PDCD2L: variants seen among roughly 807,000 people sequenced by gnomAD.
PDCD2L encodes the protein programmed cell death 2 like, also known as uS5 assembly chaperone PDCD2L.
A neutral mutation model predicts 40.4 loss-of-function variants in PDCD2L; 44 were observed. That is an observed-to-expected ratio of 1.09 (90% CI 0.86 to 1.40). The LOEUF (loss-of-function observed/expected upper bound fraction) is 1.40. Ranked by LOEUF, PDCD2L falls within the 40% of genes most tolerant of loss-of-function variation. PDCD2L has a pLI of 0.00. For missense variants in PDCD2L, 470 were observed against 453.7 expected (o/e 1.04, Z -0.33); for synonymous variants, 194 against 174.6 (o/e 1.11, Z -0.88).
At chr19:34,425,009 G>C (rs1325268427) in intron 6 of PDCD2L, among the ~76,000 whole-genome samples, 2 of 152,068 alleles carry the variant, frequency 1.3e-5, no homozygotes, top group Non-Finnish European at 2.9e-5. Flanking sequence ...GCCTCCCAAT[G>C]TGCTGGGATT....
chr19:34,412,367 A>T (rs1000630128), intron 4 of PDCD2L, among the ~76,000 whole-genome samples: 2 of 151,990 alleles, frequency 1.3e-5, no homozygotes, highest in African/African-American at 4.8e-5. Flanking sequence ...GGCTTGGGAG[A>T]AGGGTTGGGC....
chr19:34,404,454 G>T lies in PDCD2L; in HGVS notation c.24G>T (p.Val8=). 1 of 1,544,912 alleles carries T rather than the reference G, an allele frequency of 6.5e-7. No homozygotes were observed. Residue 8 remains valine, a synonymous_variant, in exon 1 of 7, where the codon GTG becomes GTT. Transcript: ENST00000246535. Reference sequence around the variant, plus strand: ...CCATGGCGGCCGTTCTGAAGCCGGTGCTGCTGGGCCTTCGAGATGCGCCGG... The same window carrying T: ...CCATGGCGGCCGTTCTGAAGCCGGTTCTGCTGGGCCTTCGAGATGCGCCGG... MAAVLKP[V]LLGLRDAPVH...
chr19:34,409,732 A>T (rs1468356251), intron 4 of PDCD2L, among the ~76,000 whole-genome samples: 1 of 152,232 alleles, frequency 6.6e-6, no homozygotes, highest in Non-Finnish European at 1.5e-5. Flanking sequence ...CAGAAGTTAG[A>T]GATGGCAAGT....
intron 4 of PDCD2L, among the ~76,000 whole-genome samples, chr19:34,412,853 C>T (rs917257085): frequency 6.6e-6 from 1 of 151,602 alleles, no homozygotes; most frequent in Non-Finnish European, 1.5e-5. Context: ...CTCACCACAG[C>T]CTTGCCTCTG....
At chr19:34,408,784 C>G (rs989835947) in intron 3 of PDCD2L, among the ~76,000 whole-genome samples, 1 of 152,204 alleles carries the variant, frequency 6.6e-6, no homozygotes, top group Non-Finnish European at 1.5e-5. Flanking sequence ...GTTCATGTTT[C>G]TCTCTAGTAG....
chr19:34,406,081 G>A (rs1037864008), intron 3 of PDCD2L, among the ~76,000 whole-genome samples: 2 of 152,210 alleles, frequency 1.3e-5, no homozygotes, highest in Admixed American at 6.5e-5. Flanking sequence ...GGTTGAGGCT[G>A]CAGTGACCTA....
At chr19:34,413,179 C>T (rs550510357) in intron 4 of PDCD2L, among the ~76,000 whole-genome samples, 2 of 152,126 alleles carry the variant, frequency 1.3e-5, no homozygotes, top group African/African-American at 2.4e-5. Context: ...GCTGGGATTA[C>T]AGGCGCCCGC....
At chr19:34,415,899 A>G (rs973299962) in intron 5 of PDCD2L, among the ~76,000 whole-genome samples, 1 of 152,166 alleles carries the variant, frequency 6.6e-6, no homozygotes, top group African/African-American at 2.4e-5. Context: ...TCACCTGCCT[A>G]AAATATACTG....
intron 6 of PDCD2L, among the ~76,000 whole-genome samples, chr19:34,424,008 C>T (rs1410352888): frequency 6.6e-6 from 1 of 152,044 alleles, no homozygotes; most frequent in African/African-American, 2.4e-5. Context: ...AGGGGCAACC[C>T]ATGTATAAAA....
intron 5 of PDCD2L, among the ~76,000 whole-genome samples, chr19:34,418,459 A>G (rs1229965431): frequency 6.6e-6 from 1 of 152,194 alleles, no homozygotes; most frequent in African/African-American, 2.4e-5. Flanking sequence ...GCATGTATCA[A>G]TAGTTCATTC....
At chr19:34,413,966 G>A (rs1422259350) in intron 5 of PDCD2L, 119 bp downstream of exon 5, 1 of 636,624 alleles carries the variant, frequency 1.6e-6, no homozygotes, top group Non-Finnish European at 2.7e-6. Context: ...CAAACCAAGA[G>A]AGAACCTAAT....
chr19:34,422,968 T>G (rs756441892), intron 6 of PDCD2L, among the ~76,000 whole-genome samples: 41 of 151,582 alleles, frequency 2.7e-4, no homozygotes, highest in African/African-American at 9.2e-4. Context: ...TCCGCCCACC[T>G]CAGCCTCCCA....
chr19:34,417,727 CAG>C (rs1270929788), intron 5 of PDCD2L, among the ~76,000 whole-genome samples: 1 of 151,996 alleles, frequency 6.6e-6, no homozygotes, highest in Non-Finnish European at 1.5e-5. Context: ...AGAAAGCATT[CAG>C]AGAGAAGATG....
rs201790416 is a variant in PDCD2L, at chr19:34,421,612, A to T, written c.891A>T (p.Ile297=). ...PACSQCGGQR[I]FEFQLMPALV... ...GCAGCCAGTGTGGAGGCCAAAGGAT[A>T]TTTGAGTTTCAGCTTATGCCAGCAC... is the stretch of plus-strand genomic sequence containing the variant. The change falls in exon 6 of 7, where the codon ATA becomes ATT. Residue 297 remains isoleucine, a synonymous_variant. Transcript: ENST00000246535. 166 of 1,614,042 alleles carry T rather than the reference A, an allele frequency of 1.0e-4. No homozygotes were observed. The highest frequency in any genetic ancestry group is 1.3e-4 in the Non-Finnish European group (157 of 1,180,026).
intron 5 of PDCD2L, 47 bp downstream of exon 5, chr19:34,413,894 G>C (rs528208278): frequency 1.7e-6 from 2 of 1,192,880 alleles, no homozygotes; most frequent in South Asian, 1.3e-5. Flanking sequence ...GATTATAAAG[G>C]AATACATATT....
chr19:34,412,185 A>G (rs2075107179), intron 4 of PDCD2L, among the ~76,000 whole-genome samples: 1 of 151,070 alleles, frequency 6.6e-6, no homozygotes, highest in African/African-American at 2.4e-5. Flanking sequence ...ATGCCCAGCT[A>G]ATTTTTGTAT....
intron 4 of PDCD2L, among the ~76,000 whole-genome samples, chr19:34,413,188 G>A (rs1442245072): frequency 1.3e-5 from 2 of 151,920 alleles, no homozygotes; most frequent in South Asian, 2.1e-4. Flanking sequence ...ACAGGCGCCC[G>A]CCACCACGCC....
In PDCD2L at chr19:34,421,669, T is replaced by C; in HGVS notation, c.946+2T>C. ...GCATGCTCAAGAGTGCTAATTTAGG[T>C]GAGAAGCCCTTTATTAATTTGAGTT... On this transcript the variant is annotated splice_donor_variant, in intron 6 of 6. Transcript: ENST00000246535. LOFTEE classifies it high-confidence loss of function. The C allele has an allele frequency of 6.3e-7, 1 of 1,598,836 alleles. No homozygotes were observed. Among genetic ancestry groups the C allele is most frequent in the South Asian group, 1.1e-5 (1 of 87,494 alleles).
intron 6 of PDCD2L, among the ~76,000 whole-genome samples, chr19:34,424,478 A>T (rs1251771398): frequency 6.6e-6 from 1 of 152,150 alleles, no homozygotes; most frequent in Non-Finnish European, 1.5e-5. Flanking sequence ...TAGTTGGAAG[A>T]GGGCCAAGCA....
Sources: gnomAD v4.1 joint callset for allele counts (sites outside exome capture counted in the v4.1 genomes callset) on GRCh38, gnomAD v4.1.1 for gene constraint, MANE v1.5 for transcripts, NCBI Gene and HGNC (gene_info 2026-07-23, HGNC 2026-07-21) for gene names.